RBFOX1: variants seen among roughly 807,000 people sequenced by gnomAD.
RBFOX1 encodes the protein RNA binding fox-1 homolog 1.
Under a neutral mutation model 57.7 loss-of-function variants are expected in RBFOX1, and 8 were observed. That is an observed-to-expected ratio of 0.14 (90% CI 0.08 to 0.25). RBFOX1 has a LOEUF of 0.25. Ranked by LOEUF, RBFOX1 falls within the 10% of genes least tolerant of loss-of-function variation. RBFOX1 has a pLI of 1.00. For synonymous variants in RBFOX1, 326 were observed against 222.4 expected, an observed-to-expected ratio of 1.47 and a Z score of -4.15; for missense variants, 611 against 548.5, an observed-to-expected ratio of 1.11 and a Z score of -1.14.
chr16:7,610,385 T>A (rs7205903), intron 10 of RBFOX1, among the ~76,000 whole-genome samples: 10,231 of 151,726 alleles, frequency 0.067, 465 homozygotes, highest in African/African-American at 0.12. Flanking sequence ...TTATTTATTT[T>A]TTTTTTTAAT....
At chr16:7,334,518 C>T (rs1449802769) in intron 4 of RBFOX1, among the ~76,000 whole-genome samples, 1 of 152,126 alleles carries the variant, frequency 6.6e-6, no homozygotes, top group African/African-American at 2.4e-5. Flanking sequence ...TCGTGGCCTT[C>T]ACTCTATGCT....
intron 2 of RBFOX1, among the ~76,000 whole-genome samples, chr16:5,496,049 C>T (rs894147435): frequency 1.3e-5 from 2 of 152,132 alleles, no homozygotes; most frequent in African/African-American, 4.8e-5. Context: ...TTGCTTCAAC[C>T]CAGGAGGCAG....
intron 4 of RBFOX1, among the ~76,000 whole-genome samples, chr16:5,928,516 A>G (rs575918916): frequency 2.6e-5 from 4 of 152,252 alleles, no homozygotes; most frequent in African/African-American, 9.6e-5. Context: ...CCCCATAAAC[A>G]TATACAATTA....
intron 1 of RBFOX1, among the ~76,000 whole-genome samples, chr16:6,235,449 A>C (rs565743474): frequency 6.6e-6 from 1 of 152,214 alleles, no homozygotes; most frequent in East Asian, 1.9e-4. Context: ...AGACACTTGC[A>C]CATGCCTGTC....
In RBFOX1 at chr16:7,630,649, C is replaced by T. The variant is rs756592125; in HGVS notation, c.723C>T (p.Tyr241=). Residue 241 remains tyrosine, a synonymous_variant, in exon 11 of 16, where the codon TAC becomes TAT. Coordinates refer to ENST00000550418, the MANE Select transcript of RBFOX1 (RefSeq NM_018723.4). The part of the protein sequence containing the change: ...CQANQEGSSM[Y]SAPSSLVYTS... ...CCAACCAGGAGGGATCTTCCATGTA[C>T]AGTGCCCCCAGTTCACTTGTATATA... 1.1e-5 allele frequency: 18 copies of T among 1,614,070 alleles called. No homozygotes were observed. The highest frequency in any genetic ancestry group is 1.4e-5 in the Non-Finnish European group (17 of 1,180,044).
intron 2 of RBFOX1, among the ~76,000 whole-genome samples, chr16:6,470,705 TC>T (rs778339137): frequency 6.6e-6 from 1 of 152,226 alleles, no homozygotes; most frequent in Non-Finnish European, 1.5e-5. Flanking sequence ...CTGAACCTGG[TC>T]ATCGATACCA....
At chr16:6,790,658 C>T (rs190238091) in intron 3 of RBFOX1, among the ~76,000 whole-genome samples, 8 of 152,200 alleles carry the variant, frequency 5.3e-5, no homozygotes, top group South Asian at 2.1e-4. Flanking sequence ...CCTGTTCTGT[C>T]TGTCATTATT....
intron 3 of RBFOX1, among the ~76,000 whole-genome samples, chr16:5,709,906 C>G (rs1346646618): frequency 1.6e-5 from 2 of 124,836 alleles, no homozygotes; most frequent in South Asian, 2.6e-4. Context: ...CACAACGGCC[C>G]CGTGAATTAT....
At chr16:6,422,220 C>T (rs1216490146) in intron 2 of RBFOX1, among the ~76,000 whole-genome samples, 1 of 150,748 alleles carries the variant, frequency 6.6e-6, no homozygotes, top group Non-Finnish European at 1.5e-5. Context: ...CCACGCCCGA[C>T]CACCTCTCCT....
At chr16:5,551,481 G>A (rs575681672) in intron 2 of RBFOX1, among the ~76,000 whole-genome samples, 4 of 152,202 alleles carry the variant, frequency 2.6e-5, no homozygotes, top group South Asian at 2.1e-4. Flanking sequence ...AGGGAGTTCC[G>A]GCTTCCTTAG....
At chr16:5,631,465 G>C (rs2048504473) in intron 3 of RBFOX1, among the ~76,000 whole-genome samples, 2 of 151,940 alleles carry the variant, frequency 1.3e-5, no homozygotes, top group Admixed American at 1.3e-4. Flanking sequence ...GCTGAGGCAG[G>C]AGAATCTCTT....
intron 1 of RBFOX1, among the ~76,000 whole-genome samples, chr16:6,095,263 A>G (rs977441093): frequency 2.0e-5 from 3 of 152,228 alleles, no homozygotes; most frequent in Non-Finnish European, 1.5e-5. Context: ...TTGAGGGTGA[A>G]TATACAAATA....
At chr16:6,924,182 A>AATC (rs2075081438) in intron 3 of RBFOX1, among the ~76,000 whole-genome samples, 1 of 150,986 alleles carries the variant, frequency 6.6e-6, no homozygotes, top group Non-Finnish European at 1.5e-5. Context: ...TAATAATAAT[A>AATC]ATAATAATAA....
chr16:5,391,465 C>A (rs1052125707), intron 1 of RBFOX1, among the ~76,000 whole-genome samples: 1 of 152,156 alleles, frequency 6.6e-6, no homozygotes, highest in Non-Finnish European at 1.5e-5. Flanking sequence ...CATGTAAGGT[C>A]CCTTGGGACT....
At chr16:6,079,447 G>A (rs2095964656) in intron 1 of RBFOX1, among the ~76,000 whole-genome samples, 1 of 152,156 alleles carries the variant, frequency 6.6e-6, no homozygotes, top group South Asian at 2.1e-4. Context: ...GAGTAGCTGG[G>A]ACCACATGTG....
chr16:5,462,616 G>A (rs1392393833), intron 1 of RBFOX1, among the ~76,000 whole-genome samples: 3 of 152,100 alleles, frequency 2.0e-5, no homozygotes, highest in South Asian at 2.1e-4. Flanking sequence ...TAAAAATGTG[G>A]TATTTTTAGG....
chr16:5,763,476 CT>C (rs1192444131), intron 3 of RBFOX1, among the ~76,000 whole-genome samples: 1 of 152,240 alleles, frequency 6.6e-6, no homozygotes, highest in Non-Finnish European at 1.5e-5. Context: ...AGAAAAGCCC[CT>C]GGCCCAGGAG....
At chr16:6,933,305 T>G (rs968534299) in intron 3 of RBFOX1, among the ~76,000 whole-genome samples, 1 of 152,254 alleles carries the variant, frequency 6.6e-6, no homozygotes, top group African/African-American at 2.4e-5. Flanking sequence ...TATTTTTTAG[T>G]AACCGACATA....
intron 3 of RBFOX1, among the ~76,000 whole-genome samples, chr16:6,879,381 G>A (rs1039443249): frequency 2.0e-5 from 3 of 152,056 alleles, no homozygotes; most frequent in Non-Finnish European, 2.9e-5. Context: ...TCTCTGCCCT[G>A]TTTATATTTA....
Sources: gnomAD v4.1 joint callset for allele counts (sites outside exome capture counted in the v4.1 genomes callset) on GRCh38, gnomAD v4.1.1 for gene constraint, MANE v1.5 for transcripts, NCBI Gene and HGNC (gene_info 2026-07-23, HGNC 2026-07-21) for gene names.